NRG1: variants seen among roughly 807,000 people sequenced by gnomAD.
NRG1 encodes the protein pro-neuregulin-1, membrane-bound isoform.
A neutral mutation model predicts 63.8 loss-of-function variants in NRG1; 18 were observed. That is an observed-to-expected ratio of 0.28 (90% CI 0.19 to 0.42). The LOEUF (loss-of-function observed/expected upper bound fraction) is 0.42, where lower values mean the gene tolerates loss of function less well. Ranked by LOEUF, NRG1 falls within the 10% of genes least tolerant of loss-of-function variation. The pLI is 1.00. For missense variants in NRG1, 762 were observed against 814.7 expected, an observed-to-expected ratio of 0.94 and a Z score of 0.79; for synonymous variants, 302 against 301.3, an observed-to-expected ratio of 1.00 and a Z score of -0.02.
At chr8:32,120,649 G>T (rs1254133163) in intron 1 of NRG1, among the ~76,000 whole-genome samples, 1 of 151,922 alleles carries the variant, frequency 6.6e-6, no homozygotes, top group Non-Finnish European at 1.5e-5. Context: ...TAGTGCTGAA[G>T]CTCAGCTCAT....
intron 5 of NRG1, chr8:32,647,576 A>G (rs1588956436): frequency 1.5e-6 from 2 of 1,378,290 alleles, no homozygotes; most frequent in East Asian, 5.2e-5. Context: ...ATCTTTCTGA[A>G]CTCTTCTTGA....
intron 1 of NRG1, among the ~76,000 whole-genome samples, chr8:31,791,187 G>A (rs1176103670): frequency 1.3e-5 from 2 of 150,216 alleles, no homozygotes; most frequent in Admixed American, 1.3e-4. Flanking sequence ...CCAGCTGGGT[G>A]GGAGAGTGAA....
chr8:31,724,729 G>A (rs1339471130), intron 1 of NRG1, among the ~76,000 whole-genome samples: 3 of 152,032 alleles, frequency 2.0e-5, no homozygotes, highest in African/African-American at 7.2e-5. Context: ...TCTTCACACT[G>A]GCTATATGAG....
chr8:32,135,197 G>A (rs916089825), intron 1 of NRG1, among the ~76,000 whole-genome samples: 1 of 152,152 alleles, frequency 6.6e-6, no homozygotes, highest in African/African-American at 2.4e-5. Flanking sequence ...GAGCTTTATA[G>A]CCAGGCTAAG....
chr8:31,843,302 T>G (rs993548529), intron 1 of NRG1, among the ~76,000 whole-genome samples: 17 of 152,328 alleles, frequency 1.1e-4, no homozygotes, highest in African/African-American at 3.6e-4. Context: ...TTCCATATTC[T>G]TTGTGAAATT....
At chr8:31,993,869 A>T (rs556747038) in intron 1 of NRG1, among the ~76,000 whole-genome samples, 2 of 152,080 alleles carry the variant, frequency 1.3e-5, no homozygotes, top group Non-Finnish European at 2.9e-5. Flanking sequence ...TGACAGGGAT[A>T]CTATGCACCC....
At chr8:32,368,886 C>T (rs1459278303) in intron 1 of NRG1, among the ~76,000 whole-genome samples, 2 of 152,204 alleles carry the variant, frequency 1.3e-5, no homozygotes, top group Admixed American at 6.5e-5. Flanking sequence ...ATCACCGTAA[C>T]ACTGCACTCA....
chr8:32,702,434 G>C (rs909122109), intron 5 of NRG1, among the ~76,000 whole-genome samples: 1 of 152,242 alleles, frequency 6.6e-6, no homozygotes, highest in Non-Finnish European at 1.5e-5. Context: ...TGTTGGTAGA[G>C]ATTGGCTTTT....
At chr8:32,754,436 G>A (rs377601930) in exon 8 of NRG1, 21 of 1,613,718 alleles carry the variant, frequency 1.3e-5, no homozygotes, top group Non-Finnish European at 1.7e-5. Flanking sequence ...CCCTCCTTGT[G>A]GTCGGCATCA....
At chr8:32,141,814 A>C (rs1419963857) in intron 1 of NRG1, among the ~76,000 whole-genome samples, 1 of 151,746 alleles carries the variant, frequency 6.6e-6, no homozygotes, top group East Asian at 1.9e-4. Context: ...AACAATAAGA[A>C]ACTTTTATAA....
intron 1 of NRG1, among the ~76,000 whole-genome samples, chr8:32,101,080 T>G (rs553314091): frequency 6.6e-6 from 1 of 152,352 alleles, no homozygotes; most frequent in Non-Finnish European, 1.5e-5. Context: ...GACTATTAAA[T>G]TATACCCCAA....
At chr8:32,171,003 G>A (rs1038269015) in intron 1 of NRG1, among the ~76,000 whole-genome samples, 1 of 152,046 alleles carries the variant, frequency 6.6e-6, no homozygotes, top group African/African-American at 2.4e-5. Flanking sequence ...ACCCCATCTA[G>A]TCTCTTCCAA....
chr8:32,611,397 A>G (rs1846336571), intron 3 of NRG1, among the ~76,000 whole-genome samples: 1 of 152,142 alleles, frequency 6.6e-6, no homozygotes, highest in South Asian at 2.1e-4. Context: ...CAATATTGGG[A>G]AACAACCTGC....
chr8:32,370,078 T>C (rs1406430301), intron 1 of NRG1, among the ~76,000 whole-genome samples: 5 of 152,192 alleles, frequency 3.3e-5, no homozygotes, highest in African/African-American at 1.2e-4. Context: ...AGGACTGACA[T>C]GAACTGGCAA....
chr8:31,885,907 G>A (rs1329606556), intron 1 of NRG1, among the ~76,000 whole-genome samples: 1 of 152,026 alleles, frequency 6.6e-6, no homozygotes, highest in South Asian at 2.1e-4. Flanking sequence ...TCACACTGCT[G>A]GGTAATCTGG....
intron 1 of NRG1, among the ~76,000 whole-genome samples, chr8:32,076,668 T>C (rs925170646): frequency 3.3e-5 from 5 of 151,050 alleles, no homozygotes; most frequent in African/African-American, 1.2e-4. Flanking sequence ...CAAACCCCCA[T>C]GACACAAGTT....
At chr8:32,603,889 C>T (rs1476650797) in intron 2 of NRG1, among the ~76,000 whole-genome samples, 1 of 152,148 alleles carries the variant, frequency 6.6e-6, no homozygotes, top group Non-Finnish European at 1.5e-5. Context: ...CCCAACCAGC[C>T]TTAGAAATAT....
At chr8:31,765,522 G>C (rs775101802) in intron 1 of NRG1, among the ~76,000 whole-genome samples, 7 of 152,140 alleles carry the variant, frequency 4.6e-5, no homozygotes, top group Non-Finnish European at 1.0e-4. Context: ...GTGTTTCTGA[G>C]AGTTTTTATC....
chr8:32,585,635 TAGAC>T (rs1841474483), intron 1 of NRG1, among the ~76,000 whole-genome samples: 1 of 152,198 alleles, frequency 6.6e-6, no homozygotes, highest in African/African-American at 2.4e-5. Flanking sequence ...ATATGACAGA[TAGAC>T]AGCTGCATAG....
Sources: gnomAD v4.1 joint callset for allele counts (sites outside exome capture counted in the v4.1 genomes callset) on GRCh38, gnomAD v4.1.1 for gene constraint, MANE v1.5 for transcripts, NCBI Gene and HGNC (gene_info 2026-07-23, HGNC 2026-07-21) for gene names.